CDH9: variants seen among roughly 807,000 people sequenced by gnomAD.
CDH9 encodes cadherin-9.
Under a neutral mutation model 70.9 loss-of-function variants are expected in CDH9, and 28 were observed. The ratio of observed to expected loss-of-function variants is 0.40; its 90% confidence interval spans 0.29 to 0.54. The LOEUF is 0.54. CDH9 is among the 20% of genes least tolerant of loss of function. CDH9 has a pLI of 0.59. For missense variants in CDH9, 874 were observed against 984.4 expected (o/e 0.89, Z 1.50); for synonymous variants, 409 against 343.1 (o/e 1.19, Z -2.12).
rs146282901 is a variant in CDH9, at chr5:26,965,506, G to T, written c.228+22600C>A. On this transcript the variant is annotated intron_variant, in intron 2 of 11. Coordinates refer to ENST00000231021, the MANE Select transcript of CDH9 (RefSeq NM_016279.4). ...CAGGAGAATCACTTGAACCTGAGAG[G>T]CAGAGGTTACAGTGAGTGGAGATCA... Among the ~76,000 whole-genome samples the T allele has an allele frequency of 5.3e-5, 8 of 151,696 alleles. No homozygotes were observed. In the East Asian group the frequency reaches 1.5e-3, roughly 29 times the overall value.
At chr5:27,030,159 TCTC>T (rs1206131509) in intron 1 of CDH9, among the ~76,000 whole-genome samples, 1 of 151,930 alleles carries the variant, frequency 6.6e-6, no homozygotes, top group African/African-American at 2.4e-5. Flanking sequence ...TAAAAGTACT[TCTC>T]CTCGTTCTAC....
intron 2 of CDH9, among the ~76,000 whole-genome samples, chr5:26,959,463 TA>T (rs1224523627): frequency 6.6e-6 from 1 of 152,090 alleles, no homozygotes; most frequent in Non-Finnish European, 1.5e-5. Context: ...CTCAAAAAGT[TA>T]AACAGAATTA....
chr5:26,969,351 T>C (rs1309641886), intron 2 of CDH9, among the ~76,000 whole-genome samples: 1 of 152,160 alleles, frequency 6.6e-6, no homozygotes, highest in African/African-American at 2.4e-5. Context: ...CTGCCAAGTA[T>C]TAAATTCCTT....
At chr5:26,984,093 C>T (rs985567862) in intron 2 of CDH9, among the ~76,000 whole-genome samples, 2 of 152,010 alleles carry the variant, frequency 1.3e-5, no homozygotes, top group African/African-American at 4.8e-5. Flanking sequence ...GAAGGCAGAG[C>T]TCAATCAATG....
chr5:26,917,431 A>G (rs1261932195), intron 2 of CDH9, among the ~76,000 whole-genome samples: 1 of 152,092 alleles, frequency 6.6e-6, no homozygotes, highest in Non-Finnish European at 1.5e-5. Flanking sequence ...TTAGATAAAA[A>G]TGGAGTTTTA....
intron 2 of CDH9, among the ~76,000 whole-genome samples, chr5:26,977,549 A>T (rs1305733828): frequency 6.6e-6 from 1 of 151,316 alleles, no homozygotes; most frequent in Non-Finnish European, 1.5e-5. Context: ...GACTGGAAAG[A>T]TTACAAGCAA....
chr5:26,923,098 A>G (rs1219161840), intron 2 of CDH9, among the ~76,000 whole-genome samples: 2 of 150,714 alleles, frequency 1.3e-5, no homozygotes, highest in African/African-American at 4.8e-5. Context: ...ACAAAAAAAA[A>G]ACAAGACCCA....
At chr5:26,957,095 T>G (rs911228347) in intron 2 of CDH9, among the ~76,000 whole-genome samples, 54 of 151,534 alleles carry the variant, frequency 3.6e-4, no homozygotes, top group African/African-American at 1.2e-3. Flanking sequence ...TATAATAGAA[T>G]TAATAGAATA....
intron 1 of CDH9, among the ~76,000 whole-genome samples, chr5:26,999,965 G>T (rs79541301): frequency 0.012 from 1,901 of 152,130 alleles, 58 homozygotes; most frequent in African/African-American, 0.044. Flanking sequence ...AATGCCAAAA[G>T]TATCTTGGGT....
rs761464441 is a variant in CDH9 at position 26,915,780 on chromosome 5, T to A, written c.373A>T (p.Ile125Phe). ...CTGTCTATAGCCTTGGCACGAAGAA[T>A]GTACAGAGATTTTTCTTCTCTGTCT... ...KLDREEKSLYILRAKAIDRKT... is the reference protein window; with the variant it reads ...KLDREEKSLYFLRAKAIDRKT... Residue 125 changes from isoleucine to phenylalanine, a missense_variant, in exon 3 of 12, where the codon ATT becomes TTT. Physicochemically the swap from Ile to Phe is conservative, Grantham distance 21. Transcript: ENST00000231021. The A allele has an allele frequency of 3.1e-6, 5 of 1,613,574 alleles. No homozygotes were observed. In the Admixed American group the frequency reaches 8.3e-5, roughly 27 times the overall value.
intron 1 of CDH9, among the ~76,000 whole-genome samples, chr5:26,997,014 C>CA (rs1742677407): frequency 6.6e-6 from 1 of 151,568 alleles, no homozygotes; most frequent in Non-Finnish European, 1.5e-5. Context: ...TTCCCTAAGG[C>CA]AAAAAATCTA....
chr5:26,903,345 C>T, intron 6 of CDH9: 1 of 476,824 alleles, frequency 2.1e-6, no homozygotes, highest in South Asian at 2.0e-5. Flanking sequence ...ATAATGATGG[C>T]TGTGTGTTTA....
In CDH9 at chr5:27,011,465, C is replaced by A. The variant is rs183162952; in HGVS notation, c.-49-23083G>T. 1.6e-4 allele frequency among the ~76,000 whole-genome samples: 25 copies of A among 151,972 alleles called. No homozygotes were observed. The East Asian group carries it at 3.9e-3, about 24-fold the overall frequency. ...GAGATTGCACAAGAAACCACAACAC[C>A]GGAAGCTAGAAAAGACAAAGAAAGA... On this transcript the variant is annotated intron_variant, in intron 1 of 11. Transcript: ENST00000231021.
intron 1 of CDH9, among the ~76,000 whole-genome samples, chr5:27,029,850 A>G (rs925772668): frequency 6.6e-6 from 1 of 151,974 alleles, no homozygotes; most frequent in Non-Finnish European, 1.5e-5. Context: ...TCCTACACCT[A>G]CAAATTATAA....
At chr5:26,932,968 T>C (rs1350466989) in intron 2 of CDH9, among the ~76,000 whole-genome samples, 1 of 114,484 alleles carries the variant, frequency 8.7e-6, no homozygotes, top group Non-Finnish European at 1.7e-5. Flanking sequence ...ATTATATGTG[T>C]TACATATATA....
At chr5:26,947,379 A>T (rs1220931922) in intron 2 of CDH9, among the ~76,000 whole-genome samples, 1 of 152,190 alleles carries the variant, frequency 6.6e-6, no homozygotes, top group African/African-American at 2.4e-5. Context: ...TGGCCCAAGC[A>T]GTCCCACAAG....
intron 7 of CDH9, 143 bp from the exon 8 acceptor site, chr5:26,890,707 T>C: frequency 1.6e-6 from 1 of 610,962 alleles, no homozygotes; most frequent in Non-Finnish European, 2.9e-6. Context: ...ATTTTTATTT[T>C]ATAGAATTGT....
At chr5:26,956,832 A>G (rs76824656) in intron 2 of CDH9, among the ~76,000 whole-genome samples, 2,674 of 152,200 alleles carry the variant, frequency 0.018, 92 homozygotes, top group African/African-American at 0.061. Flanking sequence ...GATTAGACTG[A>G]CACTCCCTTT....
In CDH9 at chr5:26,894,914, G is replaced by C. The variant is rs1322929576; in HGVS notation, c.1254-4350C>G. Among the ~76,000 whole-genome samples the C allele has an allele frequency of 2.6e-5, 4 of 151,814 alleles. No homozygotes were observed. In the East Asian group the frequency reaches 5.8e-4, roughly 22 times the overall value. ...AATAACATGTGAAAGAGAGCACAAGGGCTCTCTTCCCACAAAAGCTGAACT... is the reference window on the plus strand; with the variant it reads ...AATAACATGTGAAAGAGAGCACAAGCGCTCTCTTCCCACAAAAGCTGAACT... On this transcript the variant is annotated intron_variant, in intron 7 of 11. Coordinates refer to ENST00000231021, the MANE Select transcript of CDH9 (RefSeq NM_016279.4).
Sources: allele counts gnomAD v4.1 joint callset (sites outside exome capture counted in the v4.1 genomes callset), GRCh38; gene constraint gnomAD v4.1.1; transcripts MANE v1.5; gene names NCBI Gene and HGNC (gene_info 2026-07-23, HGNC 2026-07-21).